RAB35: variants seen among roughly 807,000 people sequenced by gnomAD.
RAB35 encodes the protein RAB35, member RAS oncogene family, also known as ras-related protein Rab-35.
A neutral mutation model predicts 28.9 loss-of-function variants in RAB35; 4 were observed. The ratio of observed to expected loss-of-function variants is 0.14; its 90% confidence interval spans 0.07 to 0.32. RAB35 has a LOEUF of 0.32. RAB35 is among the 10% of genes least tolerant of loss of function. The pLI, the probability that RAB35 is intolerant of heterozygous loss-of-function variation, is 1.00. For missense variants in RAB35, 128 were observed against 274.0 expected (o/e 0.47, Z 3.76); for synonymous variants, 99 against 105.1 (o/e 0.94, Z 0.35).
chr12:120,110,878 C>G (rs767415753), intron 1 of RAB35, among the ~76,000 whole-genome samples: 1 of 152,240 alleles, frequency 6.6e-6, no homozygotes. Context: ...CTTGCTCCGC[C>G]GTGAGGCTTC....
chr12:120,110,103 C>T (rs1182853069), intron 1 of RAB35, among the ~76,000 whole-genome samples: 2 of 152,112 alleles, frequency 1.3e-5, no homozygotes, highest in East Asian at 3.9e-4. Flanking sequence ...AGTGCTAACA[C>T]TCCTCCCAAT....
At chr12:120,113,624 C>T (rs1258880866) in intron 1 of RAB35, among the ~76,000 whole-genome samples, 1 of 152,140 alleles carries the variant, frequency 6.6e-6, no homozygotes, top group African/African-American at 2.4e-5. Context: ...AGAGACCATA[C>T]TGGCTAAAAT....
chr12:120,103,913 A>T lies in RAB35; in HGVS notation c.140T>A (p.Ile47Asn). ...YITTIGVDFKIRTVEINGEKV... is the reference protein window; with the variant it reads ...YITTIGVDFKNRTVEINGEKV... ...CTCCCCGTTGATCTCCACGGTCCGG[A>T]TCTTGAAATCCACTCCGATCGTGGT... is the stretch of plus-strand genomic sequence containing the variant. Residue 47 changes from isoleucine to asparagine, a missense_variant, in exon 3 of 6, where the codon ATC becomes AAC. By Grantham distance (149) the Ile-to-Asn change is moderately radical. Coordinates refer to ENST00000229340, the MANE Select transcript of RAB35 (RefSeq NM_006861.7). This position sits in a 1 kb window ranked among gnomAD's most constrained non-coding sequence, Gnocchi z 6.1. The T allele has an allele frequency of 6.2e-7, 1 of 1,614,002 alleles. No homozygotes were observed. Among genetic ancestry groups the T allele is most frequent in the Non-Finnish European group, 8.5e-7 (1 of 1,179,992 alleles).
At chr12:120,111,098 G>A (rs971425711) in intron 1 of RAB35, among the ~76,000 whole-genome samples, 5 of 152,228 alleles carry the variant, frequency 3.3e-5, no homozygotes, top group African/African-American at 1.2e-4. Context: ...CTGTAAGCCA[G>A]GCCCAGCACT....
In RAB35 at chr12:120,096,224, C is replaced by T; in HGVS notation, c.*1021G>A. On this transcript the variant is annotated 3_prime_UTR_variant, in exon 6 of 6. Coordinates refer to ENST00000229340, the MANE Select transcript of RAB35 (RefSeq NM_006861.7). ...CAACTCGGACAAGGGTGGGAGGCCC[C>T]TTCTCCGCTCCCACCAAGAAAGCCC... The T allele has an allele frequency of 2.6e-6, 1 of 385,876 alleles. No homozygotes were observed. The highest frequency in any genetic ancestry group is 3.9e-5 in the Admixed American group (1 of 25,870). 23.9% of individuals were successfully genotyped at this position (385,876 alleles called of 1,614,324 possible).
Position 120,103,091 on chromosome 12 carries a change from C to T in RAB35, c.227+735G>A, listed in dbSNP as rs1167838797. ...AGAGGCAGGCCCTCCAGGAAACGAG[C>T]GCAGAGAGCTTCGGCAACTTGCCTA... On this transcript the variant is annotated intron_variant, in intron 3 of 5. Transcript: ENST00000229340. This position sits in a 1 kb window ranked among gnomAD's most constrained non-coding sequence, Gnocchi z 6.1. Among the ~76,000 whole-genome samples, 3 of 152,324 alleles carry T rather than the reference C, an allele frequency of 2.0e-5. No homozygotes were observed. The highest frequency in any genetic ancestry group is 1.9e-4 in the East Asian group (1 of 5,186).
chr12:120,097,603 C>T (rs999929355), intron 5 of RAB35, among the ~76,000 whole-genome samples: 1 of 152,268 alleles, frequency 6.6e-6, no homozygotes, highest in Non-Finnish European at 1.5e-5. Flanking sequence ...AAAAATTAGC[C>T]GGGAGTGGTG....
intron 3 of RAB35, 185 bp from the exon 4 acceptor site, chr12:120,099,339 C>A: frequency 1.3e-6 from 1 of 755,094 alleles, no homozygotes; most frequent in Non-Finnish European, 2.1e-6. Context: ...GCTACTGCGG[C>A]AGCACTGACT....
At chr12:120,105,897 A>G (rs1374794732) in intron 2 of RAB35, among the ~76,000 whole-genome samples, 6 of 145,048 alleles carry the variant, frequency 4.1e-5, no homozygotes, top group African/African-American at 1.3e-4. Flanking sequence ...AGCCTGGGCG[A>G]CAGAGCGAGA....
intron 2 of RAB35, 101 bp from the exon 3 acceptor site, chr12:120,104,050 A>T: frequency 6.8e-7 from 1 of 1,476,594 alleles, no homozygotes. Context: ...CACCCTCCCG[A>T]CTCATTACAT....
At chr12:120,105,767 CA>C (rs1298255987) in intron 2 of RAB35, among the ~76,000 whole-genome samples, 2 of 151,956 alleles carry the variant, frequency 1.3e-5, no homozygotes, top group Non-Finnish European at 2.9e-5. Context: ...ACTAAAAATA[CA>C]AAAAATTAGC....
At position 120,096,434 on chromosome 12, in the gene RAB35, GC is replaced by G. The variant is rs1310766760; in HGVS notation, c.*810del. On this transcript the variant is annotated 3_prime_UTR_variant, in exon 6 of 6. Transcript: ENST00000229340. Reference sequence around the variant, plus strand: ...GATCTGTTAAAATAATCCTCCCATAGCCCCCCTGCCAGCCCCATCTCTGCAC... The same window carrying G: ...GATCTGTTAAAATAATCCTCCCATAGCCCCCTGCCAGCCCCATCTCTGCAC... The G allele has an allele frequency of 2.3e-6, 3 of 1,287,446 alleles. No homozygotes were observed. Among genetic ancestry groups the G allele is most frequent in the South Asian group, 1.2e-5 (1 of 80,942 alleles). 79.8% of individuals were successfully genotyped at this position (1,287,446 alleles called of 1,614,324 possible).
Position 120,095,277 on chromosome 12 carries a change from A to T in RAB35, c.*1968T>A, listed in dbSNP as rs1476607768. ...TCCCCACCCCCACCCCATAACCCCCATTCATGCGTGTAACAGTGGGACAGG... is the reference window on the plus strand; with the variant it reads ...TCCCCACCCCCACCCCATAACCCCCTTTCATGCGTGTAACAGTGGGACAGG... On this transcript the variant is annotated 3_prime_UTR_variant, in exon 6 of 6. Transcript: ENST00000229340. 1.5e-5 allele frequency: 1 copy of T among 66,920 alleles called. No individual in the cohort carries two copies. Among genetic ancestry groups the T allele is most frequent in the Non-Finnish European group, 2.8e-5 (1 of 35,328 alleles). The allele number at this position is 66,920 out of a possible 1,614,324, so 4.1% of individuals were successfully genotyped here.
intron 5 of RAB35, 41 bp from the exon 6 acceptor site, chr12:120,097,414 C>G (rs1301169019): frequency 6.4e-7 from 1 of 1,557,884 alleles, no homozygotes; most frequent in Non-Finnish European, 8.8e-7. Flanking sequence ...CAGACCTGGC[C>G]AGGAGGCCCC....
At chr12:120,115,636 A>G (rs1025257510) in intron 1 of RAB35, among the ~76,000 whole-genome samples, 17 of 152,184 alleles carry the variant, frequency 1.1e-4, no homozygotes, top group African/African-American at 3.9e-4. Flanking sequence ...AGGACACTTA[A>G]TATTCATTAA....
intron 2 of RAB35, among the ~76,000 whole-genome samples, chr12:120,104,653 G>C (rs1470147934): frequency 6.7e-6 from 1 of 150,246 alleles, no homozygotes; most frequent in East Asian, 1.9e-4. Context: ...GATTTTTTTT[G>C]GTGGGGGGGG....
At chr12:120,115,922 T>C (rs1424706658) in intron 1 of RAB35, among the ~76,000 whole-genome samples, 1 of 152,180 alleles carries the variant, frequency 6.6e-6, no homozygotes, top group Non-Finnish European at 1.5e-5. Flanking sequence ...CCAACTATCA[T>C]TCCATCTTAC....
In RAB35 at chr12:120,116,579, C is replaced by A; in HGVS notation, c.52+20G>T. The A allele has an allele frequency of 8.6e-7, 1 of 1,164,916 alleles. No homozygotes were observed. The highest frequency in any genetic ancestry group is 1.1e-6 in the Non-Finnish European group (1 of 945,020). The allele number at this position is 1,164,916 out of a possible 1,614,324, so 72.2% of individuals were successfully genotyped here. On this transcript the variant is annotated intron_variant, in intron 1 of 5. Transcript: ENST00000229340. ...GCGCCCGGCAGGGCCCGCGCCGCCT[C>A]CGGCCGCTGCGGCCCTCACCGCTGT...
chr12:120,108,568 G>A (rs756842497), intron 1 of RAB35, 101 bp from the exon 2 acceptor site: 11 of 1,086,176 alleles, frequency 1.0e-5, no homozygotes, highest in African/African-American at 1.6e-5. Flanking sequence ...CAACTCTTAA[G>A]AAGCTCGGTG....
Sources: gnomAD v4.1 joint callset for allele counts (sites outside exome capture counted in the v4.1 genomes callset) on GRCh38, gnomAD v4.1.1 for gene constraint, Gnocchi (gnomAD v3.1) non-coding constraint, MANE v1.5 for transcripts, NCBI Gene and HGNC (gene_info 2026-07-23, HGNC 2026-07-21) for gene names.